The following NDUFA8 variants were observed in gnomAD, a reference collection of about 807,000 sequenced individuals.
NDUFA8 encodes NADH:ubiquinone oxidoreductase subunit A8, also known as NADH dehydrogenase [ubiquinone] 1 alpha subcomplex subunit 8.
A neutral mutation model predicts 20.9 loss-of-function variants in NDUFA8; 16 were observed. The ratio of observed to expected loss-of-function variants is 0.77; its 90% CI spans 0.52 to 1.16. The LOEUF is 1.16. Ranked by LOEUF, NDUFA8 falls within the 50% of genes most tolerant of loss-of-function variation. NDUFA8 has a pLI of 0.00. For missense variants in NDUFA8, 202 were observed against 216.4 expected, an observed-to-expected ratio of 0.93 and a Z score of 0.42; for synonymous variants, 70 against 76.1, an observed-to-expected ratio of 0.92 and a Z score of 0.41.
intron 1 of NDUFA8, among the ~76,000 whole-genome samples, chr9:122,156,223 CAG>C (rs1333819542): frequency 6.6e-6 from 1 of 152,202 alleles, no homozygotes; most frequent in East Asian, 1.9e-4. Context: ...TCAAACAACA[CAG>C]AATTTCAACA....
chr9:122,139,613 C>G (rs752984187), downstream of NDUFA8, among the ~76,000 whole-genome samples: 3 of 152,196 alleles, frequency 2.0e-5, no homozygotes, highest in Non-Finnish European at 4.4e-5. Context: ...TCCAACTGAA[C>G]AAAGTATTTA....
At chr9:122,132,620 G>A in the NDUFA8 span, among the ~76,000 whole-genome samples, 66 of 152,246 alleles carry the variant, frequency 4.3e-4, 1 homozygote, top group African/African-American at 1.4e-3. Context: ...TGACCTGGGG[G>A]AGGGGGACTG....
downstream of NDUFA8, among the ~76,000 whole-genome samples, chr9:122,141,849 C>T (rs949758064): frequency 6.6e-6 from 1 of 152,068 alleles, no homozygotes; most frequent in South Asian, 2.1e-4. Flanking sequence ...GTAATCCCAT[C>T]GCGAGTACAG....
chr9:122,144,877 G>A (rs1284448406), intron 3 of NDUFA8, among the ~76,000 whole-genome samples: 1 of 152,188 alleles, frequency 6.6e-6, no homozygotes, highest in Non-Finnish European at 1.5e-5. Context: ...TATGAAGATA[G>A]GCAGGCATGT....
intron 2 of NDUFA8, among the ~76,000 whole-genome samples, chr9:122,149,165 A>G (rs895371130): frequency 2.0e-5 from 3 of 152,200 alleles, no homozygotes; most frequent in African/African-American, 7.2e-5. Context: ...AAATCTAGCT[A>G]CACTCTCACA....
At chr9:122,139,228 C>T (rs901697787), downstream of NDUFA8, among the ~76,000 whole-genome samples, 2 of 152,184 alleles carry the variant, frequency 1.3e-5, no homozygotes, top group African/African-American at 2.4e-5. Context: ...TTTGTTCCTG[C>T]AGACTGGGAC....
intron 3 of NDUFA8, 138 bp downstream of exon 3, chr9:122,147,974 C>T: frequency 1.8e-6 from 2 of 1,084,482 alleles, no homozygotes; most frequent in Non-Finnish European, 2.8e-6. Flanking sequence ...TGTATAATCA[C>T]TGCCTAATTA....
the NDUFA8 span, among the ~76,000 whole-genome samples, chr9:122,136,102 C>A: frequency 6.6e-6 from 1 of 152,186 alleles, no homozygotes; most frequent in Non-Finnish European, 1.5e-5. Flanking sequence ...CATTGTGTGG[C>A]TCTATTGCAA....
chr9:122,158,689 G>T (rs984929609), intron 1 of NDUFA8, among the ~76,000 whole-genome samples: 6 of 147,146 alleles, frequency 4.1e-5, no homozygotes, highest in African/African-American at 1.3e-4. Flanking sequence ...ATGACCAATT[G>T]TGTGTGTGTA....
At chr9:122,138,148 T>C in the NDUFA8 span, among the ~76,000 whole-genome samples, 4 of 152,184 alleles carry the variant, frequency 2.6e-5, no homozygotes, top group African/African-American at 9.7e-5. Context: ...AGGAACAGTA[T>C]TATCATTTTC....
At position 122,159,514 on chromosome 9, in the gene NDUFA8, G is replaced by A. The variant is rs550834435; in HGVS notation, c.51+113C>T. 95 of 1,316,584 alleles carry A rather than the reference G, an allele frequency of 7.2e-5. No homozygotes were observed. The African/African-American group carries it at 1.3e-3, about 17-fold the overall frequency. The allele number at this position is 1,316,584 out of a possible 1,614,324, so 81.6% of individuals were successfully genotyped here. On this transcript the variant is annotated intron_variant, in intron 1 of 3. Coordinates refer to ENST00000373768, the MANE Select transcript of NDUFA8 (RefSeq NM_014222.3). ...GGGTCGACCTGTATATGCGTTGGAGGACTGGGGAGGGGGGCCCGGGTCCCA... is the reference window on the plus strand; with the variant it reads ...GGGTCGACCTGTATATGCGTTGGAGAACTGGGGAGGGGGGCCCGGGTCCCA...
the NDUFA8 span, among the ~76,000 whole-genome samples, chr9:122,138,866 G>GGGA: frequency 5.2e-5 from 1 of 19,168 alleles, no homozygotes; most frequent in East Asian, 7.6e-4. Flanking sequence ...AAGAAGAGGT[G>GGGA]GGGGGGGGGC....
At chr9:122,137,891 C>T in the NDUFA8 span, among the ~76,000 whole-genome samples, 7 of 152,268 alleles carry the variant, frequency 4.6e-5, no homozygotes, top group South Asian at 2.1e-4. Context: ...AGGTCACAGA[C>T]GGAGCCCAGC....
chr9:122,152,868 T>C (rs774140799), intron 1 of NDUFA8, among the ~76,000 whole-genome samples: 83 of 152,010 alleles, frequency 5.5e-4, no homozygotes, highest in Admixed American at 4.7e-3. Context: ...TTATTTATGG[T>C]AGAGAGAAAA....
At chr9:122,138,418 GCTT>G in the NDUFA8 span, among the ~76,000 whole-genome samples, 2 of 152,124 alleles carry the variant, frequency 1.3e-5, no homozygotes, top group Non-Finnish European at 2.9e-5. Context: ...GGATTTCTGG[GCTT>G]CTTTTTTTTC....
the NDUFA8 span, among the ~76,000 whole-genome samples, chr9:122,138,804 C>T: frequency 1.3e-4 from 18 of 139,156 alleles, no homozygotes; most frequent in Non-Finnish European, 1.7e-4. Context: ...TGTTGACAGC[C>T]GCTTCACAAA....
intron 1 of NDUFA8, among the ~76,000 whole-genome samples, chr9:122,154,903 G>A (rs766325852): frequency 6.6e-5 from 10 of 151,966 alleles, no homozygotes; most frequent in East Asian, 1.9e-4. Context: ...TTTAGGCTTC[G>A]TTTTCATTAA....
intron 1 of NDUFA8, among the ~76,000 whole-genome samples, chr9:122,159,386 G>A (rs1829139830): frequency 6.6e-6 from 1 of 152,186 alleles, no homozygotes; most frequent in Non-Finnish European, 1.5e-5. Flanking sequence ...GAAATAGGTC[G>A]CTGTGGAGGG....
At chr9:122,146,748 T>C (rs147294706) in intron 3 of NDUFA8, among the ~76,000 whole-genome samples, 191 of 152,220 alleles carry the variant, frequency 1.3e-3, no homozygotes, top group African/African-American at 4.3e-3. Context: ...ATACAAAAAT[T>C]AGTTGGGCAT....
Sources: allele counts gnomAD v4.1 joint callset (sites outside exome capture counted in the v4.1 genomes callset), GRCh38; gene constraint gnomAD v4.1.1; transcripts MANE v1.5; gene names NCBI Gene and HGNC (gene_info 2026-07-23, HGNC 2026-07-21).